The following TTC28 variants were observed in gnomAD, a reference collection of about 807,000 sequenced individuals.
TTC28 encodes the protein tetratricopeptide repeat domain 28.
TTC28 carries 61 observed loss-of-function variants against 198.0 expected under a neutral mutation model. That is an observed-to-expected ratio of 0.31 (90% CI 0.25 to 0.38). The LOEUF is 0.38. Ranked by LOEUF, TTC28 falls within the 10% of genes least tolerant of loss-of-function variation. TTC28 has a pLI of 1.00. For synonymous variants in TTC28, 1,171 were observed against 1,297.8 expected (o/e 0.90, Z 2.10); for missense variants, 2,678 against 3,164.0 (o/e 0.85, Z 3.69).
chr22:28,057,223 A>C (rs992026024), intron 12 of TTC28, among the ~76,000 whole-genome samples: 2 of 152,186 alleles, frequency 1.3e-5, no homozygotes, highest in African/African-American at 4.8e-5. Context: ...CTTTTTCCAG[A>C]GTTATTACAT....
At chr22:28,421,006 A>ATCAT (rs1393873489) in intron 2 of TTC28, among the ~76,000 whole-genome samples, 1 of 152,016 alleles carries the variant, frequency 6.6e-6, no homozygotes, top group Non-Finnish European at 1.5e-5. Flanking sequence ...ATTCATCCAA[A>ATCAT]AAGTATCATA....
rs559857621 is a variant in TTC28 at position 28,521,243 on chromosome 22, A to AC, written c.381+108308_381+108309insG. Among the ~76,000 whole-genome samples, 126 of 152,014 alleles carry AC rather than the reference A, an allele frequency of 8.3e-4. 1 individual carries two copies. The South Asian group carries it at 0.026, about 31-fold the overall frequency. On this transcript the variant is annotated intron_variant, in intron 2 of 22. Transcript: ENST00000397906. ...GCAAGATCCTATCTCTACCAAAAAAAAAAAATTAAAAAAAATTAACTGGGC... is the reference window on the plus strand; with the variant it reads ...GCAAGATCCTATCTCTACCAAAAAAACAAAAATTAAAAAAAATTAACTGGGC...
At chr22:27,992,806 T>C in intron 18 of TTC28, 143 bp from the exon 19 acceptor site, 1 of 779,556 alleles carries the variant, frequency 1.3e-6, no homozygotes, top group South Asian at 1.8e-5. Context: ...TGTGTGTCTG[T>C]GTGTGCCTTG....
intron 1 of TTC28, among the ~76,000 whole-genome samples, chr22:28,633,398 G>A (rs2051212846): frequency 6.6e-6 from 1 of 152,062 alleles, no homozygotes; most frequent in Non-Finnish European, 1.5e-5. Flanking sequence ...GGAGGCAAAG[G>A]TGGGTGGACT....
chr22:28,255,618 T>C (rs1168242051), intron 5 of TTC28, among the ~76,000 whole-genome samples: 3 of 151,514 alleles, frequency 2.0e-5, no homozygotes, highest in African/African-American at 7.3e-5. Flanking sequence ...GAGGCAGAGA[T>C]TGCGGTGAGC....
intron 5 of TTC28, among the ~76,000 whole-genome samples, chr22:28,178,582 A>C (rs1372371346): frequency 6.6e-6 from 1 of 152,184 alleles, no homozygotes; most frequent in Non-Finnish European, 1.5e-5. Flanking sequence ...GCAAAGACAC[A>C]AAGTATGTCG....
intron 2 of TTC28, among the ~76,000 whole-genome samples, chr22:28,574,470 G>A (rs977119189): frequency 2.6e-5 from 4 of 152,050 alleles, no homozygotes; most frequent in Admixed American, 1.3e-4. Flanking sequence ...ACTGTAAATG[G>A]TGCTGCAATA....
At chr22:27,999,330 C>A in intron 15 of TTC28, 70 bp from the exon 16 acceptor site, 2 of 1,479,968 alleles carry the variant, frequency 1.4e-6, no homozygotes, top group Non-Finnish European at 1.8e-6. Context: ...AGTGGTCGGC[C>A]GAGCACAGGG....
Position 28,391,892 on chromosome 22 carries a change from C to T in TTC28, c.382-85249G>A, listed in dbSNP as rs1169280628. On this transcript the variant is annotated intron_variant, in intron 2 of 22. Transcript: ENST00000397906. ...TTGTTCCGTTGCTGGTGAGGAACTG[C>T]GTTCCTTTGGAGGAGGAGAGGCGCT... is the stretch of plus-strand genomic sequence containing the variant. Among the ~76,000 whole-genome samples the T allele has an allele frequency of 4.7e-4, 71 of 152,334 alleles. No individual in the cohort carries two copies. In the East Asian group the frequency reaches 0.011, roughly 24 times the overall value.
At chr22:28,339,827 C>T (rs1158021955) in intron 2 of TTC28, among the ~76,000 whole-genome samples, 2 of 152,158 alleles carry the variant, frequency 1.3e-5, no homozygotes, top group African/African-American at 4.8e-5. Context: ...TTCCCTGACC[C>T]CTTGTGCTTC....
intron 12 of TTC28, among the ~76,000 whole-genome samples, chr22:28,072,382 G>A (rs997450181): frequency 7.2e-5 from 11 of 152,192 alleles, no homozygotes; most frequent in African/African-American, 2.7e-4. Context: ...GCAGACATAA[G>A]GCATGATCAC....
intron 5 of TTC28, among the ~76,000 whole-genome samples, chr22:28,203,229 A>G (rs1926121967): frequency 6.6e-6 from 1 of 152,100 alleles, no homozygotes; most frequent in Admixed American, 6.6e-5. Flanking sequence ...CAAGTCACTG[A>G]ATCTTCTGGA....
At chr22:28,091,939 G>A (rs139908208) in intron 12 of TTC28, among the ~76,000 whole-genome samples, 9 of 152,140 alleles carry the variant, frequency 5.9e-5, no homozygotes. Flanking sequence ...TCCTTAAGGA[G>A]AGAATATTTG....
intron 2 of TTC28, among the ~76,000 whole-genome samples, chr22:28,600,710 T>C (rs2050626370): frequency 6.6e-6 from 1 of 152,188 alleles, no homozygotes; most frequent in Non-Finnish European, 1.5e-5. Context: ...TAATGTAGAA[T>C]AATCTTAACT....
intron 2 of TTC28, among the ~76,000 whole-genome samples, chr22:28,588,519 G>A (rs1292285526): frequency 2.0e-5 from 3 of 152,148 alleles, no homozygotes; most frequent in African/African-American, 4.8e-5. Context: ...AATGGGAGAG[G>A]AGCACTTGAT....
intron 5 of TTC28, among the ~76,000 whole-genome samples, chr22:28,192,454 G>A (rs186153675): frequency 6.6e-6 from 1 of 152,302 alleles, no homozygotes; most frequent in African/African-American, 2.4e-5. Context: ...ACTTTGACGA[G>A]TTGAGAGAAG....
At chr22:28,659,128 T>A (rs1000878200) in intron 1 of TTC28, among the ~76,000 whole-genome samples, 31 of 152,192 alleles carry the variant, frequency 2.0e-4, no homozygotes, top group Non-Finnish European at 7.3e-5. Flanking sequence ...CACCTTGACG[T>A]TGAACTTCCT....
chr22:28,223,458 A>G (rs1928038784), intron 5 of TTC28, among the ~76,000 whole-genome samples: 1 of 152,214 alleles, frequency 6.6e-6, no homozygotes, highest in African/African-American at 2.4e-5. Flanking sequence ...AAGCTACTAT[A>G]ATGATTTCAG....
At chr22:28,491,795 A>G (rs2048383681) in intron 2 of TTC28, among the ~76,000 whole-genome samples, 1 of 152,176 alleles carries the variant, frequency 6.6e-6, no homozygotes, top group Non-Finnish European at 1.5e-5. Flanking sequence ...ATGCTACTAT[A>G]AAGACACATG....
Sources: gnomAD v4.1 joint callset for allele counts (sites outside exome capture counted in the v4.1 genomes callset) on GRCh38, gnomAD v4.1.1 for gene constraint, MANE v1.5 for transcripts, NCBI Gene and HGNC (gene_info 2026-07-23, HGNC 2026-07-21) for gene names.